Variants in ROBO1 observed in about 807,000 individuals in gnomAD.
ROBO1 encodes the protein roundabout homolog 1.
ROBO1 carries 149 observed loss-of-function variants against 195.9 expected under a neutral mutation model. The observed-to-expected ratio is 0.76, with a 90% CI of 0.67 to 0.87. The LOEUF is 0.87. Ranked by LOEUF, ROBO1 falls within the 40% of genes least tolerant of loss-of-function variation. The probability of loss-of-function intolerance (pLI) is 0.00; values close to 1 mark genes in which losing one functional copy is unlikely to be tolerated. For missense variants in ROBO1, 1,933 were observed against 2,068.3 expected, an observed-to-expected ratio of 0.93 and a Z score of 1.27; for synonymous variants, 816 against 733.2, an observed-to-expected ratio of 1.11 and a Z score of -1.82.
At chr3:79,715,575 T>G (rs1702450693) in intron 1 of ROBO1, among the ~76,000 whole-genome samples, 1 of 152,154 alleles carries the variant, frequency 6.6e-6, no homozygotes, top group Non-Finnish European at 1.5e-5. Context: ...CTTCTACATG[T>G]GCTGGGAAAC....
intron 1 of ROBO1, among the ~76,000 whole-genome samples, chr3:79,680,482 T>C (rs1946911881): frequency 6.6e-6 from 1 of 151,948 alleles, no homozygotes; most frequent in Non-Finnish European, 1.5e-5. Flanking sequence ...GAAAGGAAAA[T>C]ACATAAAATG....
At chr3:78,924,637 T>G (rs2039112954) in intron 4 of ROBO1, among the ~76,000 whole-genome samples, 1 of 151,790 alleles carries the variant, frequency 6.6e-6, no homozygotes, top group African/African-American at 2.4e-5. Context: ...TTCAATAAAA[T>G]CCCTTTAAAA....
intron 2 of ROBO1, among the ~76,000 whole-genome samples, chr3:79,511,106 A>G (rs1275241665): frequency 1.3e-5 from 2 of 152,160 alleles, no homozygotes; most frequent in African/African-American, 4.8e-5. Context: ...AAGATTTGTT[A>G]GAGCCTTCAT....
At chr3:78,790,729 G>A (rs766125922) in intron 4 of ROBO1, among the ~76,000 whole-genome samples, 1 of 152,128 alleles carries the variant, frequency 6.6e-6, no homozygotes, top group Non-Finnish European at 1.5e-5. Flanking sequence ...TCCAAGACTT[G>A]TCCATTCTCC....
Position 78,688,724 on chromosome 3 carries a change from C to T in ROBO1, c.1094G>A (p.Gly365Glu). 2 of 1,609,154 alleles carry T rather than the reference C, an allele frequency of 1.2e-6. No individual in the cohort carries two copies. The highest frequency in any genetic ancestry group is 1.7e-6 in the Non-Finnish European group (2 of 1,177,646). The change falls in exon 9 of 31, where the codon GGA (glycine) becomes GAA (glutamate). Residue 365 changes from glycine to glutamate, a missense_variant. This residue lies in a region of ROBO1 where 1,737 missense variants were observed against 1,882.5 expected (regional missense o/e 0.92). Transcript: ENST00000464233. ...TTCACACTGAAAAGTTACAGTCCGT[C>T]CCAAAGCAACAACCTGGTCACGGGG... ...VKPRDQVVAL[G>E]RTVTFQCEAT...
chr3:78,641,112 GTT>G (rs902865184), intron 21 of ROBO1, among the ~76,000 whole-genome samples: 1 of 144,370 alleles, frequency 6.9e-6, no homozygotes, highest in African/African-American at 2.9e-5. Context: ...TGTTCCGTTT[GTT>G]TGTTTGTTTG....
At chr3:78,792,892 G>C (rs995723944) in intron 4 of ROBO1, among the ~76,000 whole-genome samples, 11 of 152,120 alleles carry the variant, frequency 7.2e-5, no homozygotes, top group African/African-American at 2.4e-4. Flanking sequence ...TTGTGCTCAG[G>C]AGTTTGAGAC....
intron 1 of ROBO1, among the ~76,000 whole-genome samples, chr3:79,729,120 T>G (rs1390991655): frequency 6.6e-6 from 1 of 152,232 alleles, no homozygotes; most frequent in East Asian, 1.9e-4. Flanking sequence ...GTAATGTTCC[T>G]TGGTTTGAAT....
intron 4 of ROBO1, among the ~76,000 whole-genome samples, chr3:78,754,822 T>C (rs903032079): frequency 2.6e-5 from 4 of 151,630 alleles, no homozygotes; most frequent in Non-Finnish European, 4.4e-5. Context: ...AAATTGGAGG[T>C]GAGGGAATAG....
intron 3 of ROBO1, among the ~76,000 whole-genome samples, chr3:79,074,912 TTC>T (rs1474494627): frequency 6.6e-6 from 1 of 152,004 alleles, no homozygotes; most frequent in African/African-American, 2.4e-5. Context: ...ACATTTCATT[TTC>T]TGTTTTATAA....
At chr3:79,233,680 T>C (rs938021127) in intron 2 of ROBO1, among the ~76,000 whole-genome samples, 5 of 152,096 alleles carry the variant, frequency 3.3e-5, no homozygotes, top group Non-Finnish European at 7.4e-5. Context: ...TCACCCGCAT[T>C]CTTTTCTCAT....
chr3:78,793,975 A>G (rs189323160), intron 4 of ROBO1, among the ~76,000 whole-genome samples: 1 of 152,370 alleles, frequency 6.6e-6, no homozygotes, highest in East Asian at 1.9e-4. Flanking sequence ...CCTCATCTAA[A>G]AAAATGAGAA....
chr3:79,403,476 AT>A (rs1473836309), intron 2 of ROBO1, among the ~76,000 whole-genome samples: 2 of 152,040 alleles, frequency 1.3e-5, no homozygotes, highest in Non-Finnish European at 2.9e-5. Context: ...GTTCTAACAC[AT>A]AAATTTTTAA....
intron 2 of ROBO1, among the ~76,000 whole-genome samples, chr3:79,560,448 G>A (rs1942870451): frequency 6.8e-6 from 1 of 147,410 alleles, no homozygotes; most frequent in East Asian, 2.0e-4. Context: ...CGAGTTAATG[G>A]GTGCAGCACA....
intron 1 of ROBO1, among the ~76,000 whole-genome samples, chr3:79,758,235 C>G (rs1032997627): frequency 1.3e-5 from 2 of 152,200 alleles, no homozygotes; most frequent in African/African-American, 4.8e-5. Context: ...TCTGTATCTG[C>G]TCTATCCAAG....
At chr3:79,045,962 A>C (rs776449414) in intron 3 of ROBO1, among the ~76,000 whole-genome samples, 5 of 152,138 alleles carry the variant, frequency 3.3e-5, no homozygotes, top group Non-Finnish European at 7.4e-5. Flanking sequence ...CATTTCTTCC[A>C]TTATGAATGT....
intron 1 of ROBO1, among the ~76,000 whole-genome samples, chr3:79,659,226 T>C (rs187415284): frequency 6.6e-6 from 1 of 152,192 alleles, no homozygotes; most frequent in East Asian, 1.9e-4. Context: ...ACATGATGCT[T>C]AAAAATTATT....
chr3:78,808,726 G>A (rs929908926), intron 4 of ROBO1, among the ~76,000 whole-genome samples: 6 of 152,082 alleles, frequency 3.9e-5, no homozygotes, highest in Admixed American at 3.3e-4. Flanking sequence ...TGAAAAACCT[G>A]ACAAAAACAA....
At chr3:79,214,891 C>T (rs1395743835) in intron 2 of ROBO1, among the ~76,000 whole-genome samples, 2 of 149,782 alleles carry the variant, frequency 1.3e-5, no homozygotes, top group African/African-American at 4.9e-5. Flanking sequence ...CAACTCCAGT[C>T]TCCATCAAAA....
Sources: allele counts gnomAD v4.1 joint callset (sites outside exome capture counted in the v4.1 genomes callset), GRCh38; gene constraint gnomAD v4.1.1; regional missense constraint gnomAD v4.1.1; transcripts MANE v1.5; gene names NCBI Gene and HGNC (gene_info 2026-07-23, HGNC 2026-07-21).